Variants in ANKRD36C observed in about 807,000 individuals in gnomAD.
ANKRD36C encodes ankyrin repeat domain-containing protein 36C.
In ANKRD36C, 61 loss-of-function variants were observed where a neutral mutation model predicts 276.4. The observed-to-expected ratio is 0.22, with a 90% CI of 0.18 to 0.27. The LOEUF is 0.27. Ranked by LOEUF, ANKRD36C falls within the 10% of genes least tolerant of loss-of-function variation. ANKRD36C has a pLI of 1.00. For synonymous variants in ANKRD36C, 483 were observed against 680.1 expected, an observed-to-expected ratio of 0.71 and a Z score of 4.51; for missense variants, 1,447 against 2,032.3, an observed-to-expected ratio of 0.71 and a Z score of 5.54.
At chr2:95,972,644 G>C (rs1678722519) in intron 6 of ANKRD36C, among the ~76,000 whole-genome samples, 1 of 152,148 alleles carries the variant, frequency 6.6e-6, no homozygotes, top group Non-Finnish European at 1.5e-5. Context: ...TATGAAATTA[G>C]TTTTCTTTAA....
At chr2:95,937,929 T>G (rs1677762491) in intron 22 of ANKRD36C, among the ~76,000 whole-genome samples, 1 of 152,304 alleles carries the variant, frequency 6.6e-6, no homozygotes, top group Admixed American at 6.5e-5. Flanking sequence ...ATGAAGAGAC[T>G]TTAATTAATT....
At chr2:95,970,930 A>G (rs1297993701) in intron 6 of ANKRD36C, among the ~76,000 whole-genome samples, 1 of 152,000 alleles carries the variant, frequency 6.6e-6, no homozygotes, top group African/African-American at 2.4e-5. Context: ...ATTTTCCTCA[A>G]CCCTCCCCAT....
Position 95,911,265 on chromosome 2 carries a change from C to G in ANKRD36C, c.2653+979G>C, listed in dbSNP as rs1224988685. On this transcript the variant is annotated intron_variant, in intron 42 of 66. Coordinates refer to ENST00000456556, the Ensembl canonical transcript of ANKRD36C. ...AATATATTAGCCTCAATAAAAATATCATCAATTATCAATTTTGACATATTT... is the reference window on the plus strand; with the variant it reads ...AATATATTAGCCTCAATAAAAATATGATCAATTATCAATTTTGACATATTT... Among the ~76,000 whole-genome samples, 6 of 151,450 alleles carry G rather than the reference C, an allele frequency of 4.0e-5. No individual in the cohort carries two copies. The East Asian group carries it at 7.8e-4, about 20-fold the overall frequency.
intron 59 of ANKRD36C, among the ~76,000 whole-genome samples, chr2:95,875,048 G>A (rs909489103): frequency 6.6e-6 from 1 of 152,198 alleles, no homozygotes. Context: ...TGGAGAAGAT[G>A]TGGAGAAATA....
intron 62 of ANKRD36C, among the ~76,000 whole-genome samples, chr2:95,856,446 A>G (rs1397450641): frequency 6.6e-6 from 1 of 152,170 alleles, no homozygotes; most frequent in African/African-American, 2.4e-5. Context: ...AGGATAAAAA[A>G]AGGCTTTTAC....
At chr2:95,920,377 C>T (rs900132727) in intron 34 of ANKRD36C, among the ~76,000 whole-genome samples, 4 of 132,306 alleles carry the variant, frequency 3.0e-5, no homozygotes, top group Admixed American at 7.9e-5. Context: ...TGAGAAGGCA[C>T]ACAGTTACCA....
intron 6 of ANKRD36C, among the ~76,000 whole-genome samples, chr2:95,968,987 A>C (rs1281977585): frequency 6.6e-6 from 1 of 152,218 alleles, no homozygotes. Flanking sequence ...ACCCTCTGGG[A>C]ACATCCATGT....
chr2:95,870,887 G>A (rs1039667351), intron 59 of ANKRD36C, among the ~76,000 whole-genome samples: 14 of 152,158 alleles, frequency 9.2e-5, no homozygotes, highest in East Asian at 1.9e-4. Context: ...CTCAGGAGCC[G>A]ATGCAATCAA....
At chr2:95,958,549 A>G in intron 12 of ANKRD36C, 42 bp downstream of exon 12, 1 of 1,540,294 alleles carries the variant, frequency 6.5e-7, no homozygotes, top group South Asian at 1.2e-5. Flanking sequence ...GTTCTCCTCT[A>G]TCTTCAGTGT....
At chr2:95,892,016 A>C (rs1238822899) in intron 44 of ANKRD36C, among the ~76,000 whole-genome samples, 156 bp from the exon 65 acceptor site, 1 of 151,580 alleles carries the variant, frequency 6.6e-6, no homozygotes, top group East Asian at 1.9e-4. Context: ...AACATGACAG[A>C]AATACGCTGA....
rs1189493333 is a variant in ANKRD36C, at chr2:95,860,090, A to C, written c.3683-16T>G. On this transcript the variant is annotated splice_polypyrimidine_tract_variant and intron_variant, in intron 60 of 66. Transcript: ENST00000456556. ...TGAACACAATCTGTAACCAGGAAAA[A>C]ACAAAGTAGAGATAAAATACATGAG... The C allele has an allele frequency of 1.4e-6, 2 of 1,448,802 alleles. No individual in the cohort carries two copies. The highest frequency in any genetic ancestry group is 2.8e-5 in the African/African-American group (2 of 70,944). The allele number at this position is 1,448,802 out of a possible 1,614,324, so 89.7% of individuals were successfully genotyped here. A position where few individuals can be genotyped will look rare whatever the true frequency, so the allele number is the denominator to read the frequency against.
chr2:95,917,083 G>A (rs1677121274), intron 36 of ANKRD36C, among the ~76,000 whole-genome samples: 2 of 151,498 alleles, frequency 1.3e-5, no homozygotes, highest in African/African-American at 2.4e-5. Context: ...TATCCAAGAC[G>A]TAGCTCCTTG....
chr2:95,893,129 C>A lies in ANKRD36C; in HGVS notation c.2756-1269G>T, dbSNP rs1573745880. On this transcript the variant is annotated intron_variant, in intron 44 of 66. Coordinates refer to ENST00000456556, the Ensembl canonical transcript of ANKRD36C. ...CTACACCAGGGGTCTCCTTAGTTCT[C>A]CTACAGTGTGTACGGGTTATTACAA... 2.6e-5 allele frequency among the ~76,000 whole-genome samples: 4 copies of A among 151,496 alleles called. No homozygotes were observed. In the South Asian group the frequency reaches 8.3e-4, roughly 31 times the overall value.
At position 95,896,332 on chromosome 2, in the gene ANKRD36C, C is replaced by T. The variant is rs545758386; in HGVS notation, c.2755+2813G>A. Among the ~76,000 whole-genome samples the T allele has an allele frequency of 7.5e-3, 1,114 of 149,082 alleles. 32 individuals are homozygous for T. The highest frequency in any genetic ancestry group is 0.026 in the African/African-American group (1,066 of 40,536). ...ATACTTCTACAAAGTCAAATGGCTACAAGCATTAGATATTAATCAGTTTTT... is the reference window on the plus strand; with the variant it reads ...ATACTTCTACAAAGTCAAATGGCTATAAGCATTAGATATTAATCAGTTTTT... On this transcript the variant is annotated intron_variant, in intron 44 of 66. Coordinates refer to ENST00000456556, the Ensembl canonical transcript of ANKRD36C.
intron 42 of ANKRD36C, among the ~76,000 whole-genome samples, 171 bp downstream of exon 48, chr2:95,908,331 G>C (rs538837572): frequency 6.6e-6 from 1 of 151,100 alleles, no homozygotes; most frequent in South Asian, 2.1e-4. Context: ...CGAAGATCAT[G>C]TTCCAGACCA....
At chr2:95,908,503 T>C in intron 42 of ANKRD36C, 1 of 1,529,396 alleles carries the variant, frequency 6.5e-7, no homozygotes, top group Non-Finnish European at 8.8e-7. Flanking sequence ...CAAAATTACC[T>C]CTCCTAGTTT....
chr2:95,968,465 C>T, intron 6 of ANKRD36C, among the ~76,000 whole-genome samples: 1 of 152,124 alleles, frequency 6.6e-6, no homozygotes, highest in East Asian at 1.9e-4. Flanking sequence ...TATCAAAGAA[C>T]ATGATTTCTG....
rs753631133 is a variant in ANKRD36C at position 95,855,259 on chromosome 2, T to C, written c.4995+7A>G. The C allele has an allele frequency of 1.2e-5, 18 of 1,555,582 alleles. No individual in the cohort carries two copies. The African/African-American group carries it at 1.8e-4, about 15-fold the overall frequency. On this transcript the variant is annotated splice_region_variant and intron_variant, in intron 63 of 66. Coordinates refer to ENST00000456556, the Ensembl canonical transcript of ANKRD36C. Reference sequence around the variant, plus strand: ...TTTGAAAAATACTTATTTTTCTTGATACTTACTTCTCTTTCTGCTTTCTCT... The same window carrying C: ...TTTGAAAAATACTTATTTTTCTTGACACTTACTTCTCTTTCTGCTTTCTCT...
chr2:95,932,793 T>A (rs1368504274), intron 24 of ANKRD36C, among the ~76,000 whole-genome samples: 4 of 131,304 alleles, frequency 3.0e-5, no homozygotes, highest in East Asian at 4.5e-4. Context: ...AGATCCCATT[T>A]GTCAATTTTG....
Sources: allele counts gnomAD v4.1 joint callset (sites outside exome capture counted in the v4.1 genomes callset), GRCh38; gene constraint gnomAD v4.1.1; transcripts MANE v1.5; gene names NCBI Gene and HGNC (gene_info 2026-07-23, HGNC 2026-07-21).